The following FBXL7 variants were observed in gnomAD, a reference collection of about 807,000 sequenced individuals.
FBXL7 encodes the protein F-box/LRR-repeat protein 7.
FBXL7 carries 12 observed loss-of-function variants against 38.3 expected under a neutral mutation model. The ratio of observed to expected loss-of-function variants is 0.31; its 90% CI spans 0.20 to 0.51. The LOEUF (loss-of-function observed/expected upper bound fraction) is 0.51. FBXL7 is among the 20% of genes least tolerant of loss of function. The pLI, the probability that FBXL7 is intolerant of heterozygous loss-of-function variation, is 0.98. For missense variants in FBXL7, 567 were observed against 676.4 expected, an observed-to-expected ratio of 0.84 and a Z score of 1.79; for synonymous variants, 297 against 300.9, an observed-to-expected ratio of 0.99 and a Z score of 0.13.
intron 2 of FBXL7, among the ~76,000 whole-genome samples, chr5:15,871,688 G>A (rs1387539942): frequency 2.6e-5 from 4 of 152,056 alleles, no homozygotes; most frequent in Non-Finnish European, 4.4e-5. Context: ...TGATCAAGTG[G>A]AAGAAAGGAT....
At chr5:15,745,503 T>TA (rs777907805) in intron 2 of FBXL7, among the ~76,000 whole-genome samples, 19 of 152,190 alleles carry the variant, frequency 1.2e-4, no homozygotes, top group Non-Finnish European at 2.1e-4. Flanking sequence ...ATTATGGTGT[T>TA]AATTAGTTAC....
intron 2 of FBXL7, among the ~76,000 whole-genome samples, chr5:15,844,343 C>G (rs376390738): frequency 4.6e-5 from 7 of 152,306 alleles, no homozygotes; most frequent in African/African-American, 1.7e-4. Context: ...AGATGCCCCC[C>G]GTGAAAACCC....
At chr5:15,850,905 G>A (rs1299455342) in intron 2 of FBXL7, among the ~76,000 whole-genome samples, 20 of 152,208 alleles carry the variant, frequency 1.3e-4, no homozygotes, top group Admixed American at 1.2e-3. Context: ...TCCTTTGAAC[G>A]TGTGCTCTGT....
chr5:15,788,975 A>T (rs993526674), intron 2 of FBXL7, among the ~76,000 whole-genome samples: 4 of 150,522 alleles, frequency 2.7e-5, no homozygotes, highest in African/African-American at 9.8e-5. Context: ...CTCAGCCTCC[A>T]GAGTATCTGG....
intron 2 of FBXL7, among the ~76,000 whole-genome samples, chr5:15,923,247 C>T (rs1413539475): frequency 2.0e-5 from 3 of 152,138 alleles, no homozygotes; most frequent in South Asian, 2.1e-4. Flanking sequence ...CTGAAAGAAA[C>T]GTAGGAGAAA....
At chr5:15,568,252 G>T (rs1427538265) in intron 1 of FBXL7, among the ~76,000 whole-genome samples, 2 of 152,014 alleles carry the variant, frequency 1.3e-5, no homozygotes, top group South Asian at 2.1e-4. Context: ...ATCCTCTCCA[G>T]CACCTGTTGT....
chr5:15,626,394 G>T (rs941562937), intron 2 of FBXL7, among the ~76,000 whole-genome samples: 1 of 152,114 alleles, frequency 6.6e-6, no homozygotes, highest in Non-Finnish European at 1.5e-5. Context: ...CCAGAAAATT[G>T]GTTTGTAAGC....
chr5:15,754,740 C>A (rs965602584), intron 2 of FBXL7, among the ~76,000 whole-genome samples: 1 of 152,180 alleles, frequency 6.6e-6, no homozygotes, highest in Non-Finnish European at 1.5e-5. Context: ...AGCACAAGCA[C>A]GTACATTATT....
At chr5:15,735,075 G>A (rs533709491) in intron 2 of FBXL7, among the ~76,000 whole-genome samples, 21 of 152,222 alleles carry the variant, frequency 1.4e-4, no homozygotes, top group African/African-American at 4.6e-4. Context: ...GGGATTACAG[G>A]CACGTGCCAC....
chr5:15,770,740 G>A (rs915817216), intron 2 of FBXL7, among the ~76,000 whole-genome samples: 11 of 152,164 alleles, frequency 7.2e-5, no homozygotes, highest in African/African-American at 2.7e-4. Context: ...GAGATTGGGA[G>A]GTTGAGGCTT....
At chr5:15,614,452 T>G (rs1239390764) in intron 1 of FBXL7, among the ~76,000 whole-genome samples, 1 of 152,054 alleles carries the variant, frequency 6.6e-6, no homozygotes, top group East Asian at 1.9e-4. Flanking sequence ...CTATTTTTAG[T>G]AGAGATGGGG....
intron 1 of FBXL7, among the ~76,000 whole-genome samples, chr5:15,561,185 G>A (rs1738405779): frequency 6.6e-6 from 1 of 152,114 alleles, no homozygotes; most frequent in Non-Finnish European, 1.5e-5. Context: ...GACTTCATCT[G>A]CTATAACTGC....
intron 2 of FBXL7, among the ~76,000 whole-genome samples, chr5:15,788,292 A>G (rs549393884): frequency 2.0e-4 from 31 of 152,010 alleles, no homozygotes; most frequent in Non-Finnish European, 4.1e-4. Flanking sequence ...TATTCAACCC[A>G]CCACTTAGCC....
intron 2 of FBXL7, among the ~76,000 whole-genome samples, chr5:15,681,471 A>T (rs1742842862): frequency 6.6e-6 from 1 of 152,222 alleles, no homozygotes; most frequent in African/African-American, 2.4e-5. Context: ...ATGTATGATT[A>T]CAGATTTGTC....
chr5:15,913,240 C>CTTTTT (rs71605517), intron 2 of FBXL7, among the ~76,000 whole-genome samples: 4 of 144,256 alleles, frequency 2.8e-5, no homozygotes, highest in African/African-American at 1.0e-4. Context: ...ATCATATTTT[C>CTTTTT]TTTTTTTTTT....
In FBXL7 at chr5:15,545,148, C is replaced by T. The variant is rs553824277; in HGVS notation, c.37+44435C>T. Among the ~76,000 whole-genome samples the T allele has an allele frequency of 2.8e-4, 42 of 152,304 alleles. No individual in the cohort carries two copies. In the South Asian group the frequency reaches 5.4e-3, roughly 20 times the overall value. On this transcript the variant is annotated intron_variant, in intron 1 of 3. Coordinates refer to ENST00000504595, the MANE Select transcript of FBXL7 (RefSeq NM_012304.5). ...ATTTCTTCTGACTCCATTCTCAATGCTCACATTGGACCCGTATTTCACAAC... is the reference window on the plus strand; with the variant it reads ...ATTTCTTCTGACTCCATTCTCAATGTTCACATTGGACCCGTATTTCACAAC...
chr5:15,799,657 C>T (rs1737509474), intron 2 of FBXL7, among the ~76,000 whole-genome samples: 1 of 152,180 alleles, frequency 6.6e-6, no homozygotes, highest in African/African-American at 2.4e-5. Flanking sequence ...CCACCACGCC[C>T]TGCCAAACCT....
intron 2 of FBXL7, among the ~76,000 whole-genome samples, chr5:15,925,976 C>A (rs1741868292): frequency 6.6e-6 from 1 of 152,120 alleles, no homozygotes; most frequent in African/African-American, 2.4e-5. Flanking sequence ...ATAAAATAGG[C>A]TCTATGTTAA....
intron 1 of FBXL7, among the ~76,000 whole-genome samples, chr5:15,581,040 C>G (rs1739123223): frequency 6.6e-6 from 1 of 152,084 alleles, no homozygotes. Flanking sequence ...TGAGCGGAGC[C>G]CACTTGCTTC....
Sources: gnomAD v4.1 joint callset for allele counts (sites outside exome capture counted in the v4.1 genomes callset) on GRCh38, gnomAD v4.1.1 for gene constraint, MANE v1.5 for transcripts, NCBI Gene and HGNC (gene_info 2026-07-23, HGNC 2026-07-21) for gene names.